SFTPA2: variants seen among roughly 807,000 people sequenced by gnomAD.
SFTPA2 encodes surfactant protein A2, also known as pulmonary surfactant-associated protein A2.
A neutral mutation model predicts 20.3 loss-of-function variants in SFTPA2; 21 were observed. The ratio of observed to expected loss-of-function variants is 1.03; its 90% CI spans 0.73 to 1.49. SFTPA2 has a LOEUF of 1.49. SFTPA2 is among the 40% of genes most tolerant of loss of function. The pLI is 0.00. For missense variants in SFTPA2, 302 were observed against 314.8 expected, an observed-to-expected ratio of 0.96 and a Z score of 0.31; for synonymous variants, 116 against 118.7, an observed-to-expected ratio of 0.98 and a Z score of 0.15.
chr10:79,558,198 G>A lies in SFTPA2; in HGVS notation c.293-69C>T, dbSNP rs191655766. ...GACTCCCACTTGCTGCCACGCAGGC[G>A]TTTTGCCATCTGCAATCCTGGAACT... On this transcript the variant is annotated intron_variant, in intron 4 of 5. Coordinates refer to ENST00000372325, the MANE Select transcript of SFTPA2 (RefSeq NM_001098668.4). The A allele has an allele frequency of 1.5e-3, 2,494 of 1,612,510 alleles. 3 individuals are homozygous for A. The highest frequency in any genetic ancestry group is 1.7e-3 in the Non-Finnish European group (2,042 of 1,179,050).
intron 1 of SFTPA2, 115 bp from the exon 2 acceptor site, chr10:79,560,113 T>C: frequency 2.5e-6 from 2 of 792,924 alleles, no homozygotes; most frequent in Non-Finnish European, 1.6e-6. Context: ...TTGGGGTCTG[T>C]TCTCCCACTC....
At chr10:79,560,139 T>TACCAGGGACTCA in intron 1 of SFTPA2, 141 bp from the exon 2 acceptor site, 2 of 511,166 alleles carry the variant, frequency 3.9e-6, no homozygotes, top group Non-Finnish European at 5.1e-6. Context: ...GCTTAGGCCC[T>TACCAGGGACTCA]GCTGAGTCCC....
chr10:79,559,046 C>A (rs373334850), intron 3 of SFTPA2, 41 bp from the exon 4 acceptor site: 26 of 1,614,026 alleles, frequency 1.6e-5, no homozygotes, highest in African/African-American at 5.3e-5. Flanking sequence ...ATCTGTCACC[C>A]ACAACTGGTT....
chr10:79,559,390 T>A lies in SFTPA2; in HGVS notation c.94A>T (p.Ile32Phe), dbSNP rs767373025. The A allele has an allele frequency of 2.0e-5, 32 of 1,613,624 alleles. 1 individual carries two copies. The highest frequency in any genetic ancestry group is 1.6e-5 in the Non-Finnish European group (19 of 1,179,822). Reference protein sequence around the residue: ...VKDVCVGSPGIPGTPGSHGLP... With the variant: ...VKDVCVGSPGFPGTPGSHGLP... The stretch of plus-strand genomic sequence containing the variant: ...CCGTGGGATCCAGGAGTGCCGGGGA[T>A]ACCAGGGCTTCCAACACAAACGTCC... The change falls in exon 3 of 6, where the codon ATC (isoleucine) becomes TTC (phenylalanine). Residue 32 changes from isoleucine to phenylalanine, a missense_variant. Ile to Phe is a conservative substitution (Grantham distance 21). Around this residue, in one of 3 missense-constraint regions of SFTPA2, gnomAD observed 7 missense variants for 23.4 expected, o/e 0.30. Coordinates refer to ENST00000372325, the MANE Select transcript of SFTPA2 (RefSeq NM_001098668.4).
intron 5 of SFTPA2, 148 bp from the exon 6 acceptor site, chr10:79,557,733 C>T: frequency 9.0e-7 from 1 of 1,108,366 alleles, no homozygotes; most frequent in Non-Finnish European, 1.3e-6. Context: ...TTGCAGTTTT[C>T]TAAATTCACT....
At position 79,557,590 on chromosome 10, in the gene SFTPA2, G is replaced by C. The variant is rs1858865538; in HGVS notation, c.371-5C>G. On this transcript the variant is annotated splice_region_variant and splice_polypyrimidine_tract_variant and intron_variant, in intron 5 of 5. Coordinates refer to ENST00000372325, the MANE Select transcript of SFTPA2 (RefSeq NM_001098668.4). ...TGGAGCCCTGCAGACTGAGGGCTGA[G>C]AGCAGAGGAGTCCAGGTCAGGCCAC... The C allele has an allele frequency of 2.5e-6, 4 of 1,596,414 alleles. No individual in the cohort carries two copies. Among genetic ancestry groups the C allele is most frequent in the Non-Finnish European group, 3.4e-6 (4 of 1,168,406 alleles).
Position 79,556,915 on chromosome 10 carries a change from AC to A in SFTPA2, c.*293del. 1.9e-6 allele frequency: 1 copy of A among 527,542 alleles called. No homozygotes were observed. The highest frequency in any genetic ancestry group is 3.4e-6 in the Non-Finnish European group (1 of 294,126). 32.7% of individuals were successfully genotyped at this position (527,542 alleles called of 1,614,324 possible). On this transcript the variant is annotated 3_prime_UTR_variant, in exon 6 of 6. Transcript: ENST00000372325. ...TGCCATCTGTAAGTGAAGGAACTGGACCAGATGGGGAATAAGGAGGCCTCCA... is the reference window on the plus strand; with the variant it reads ...TGCCATCTGTAAGTGAAGGAACTGGACAGATGGGGAATAAGGAGGCCTCCA...
At position 79,556,422 on chromosome 10, in the gene SFTPA2, G is replaced by T; in HGVS notation, c.*787C>A. The T allele has an allele frequency of 6.2e-6, 1 of 160,228 alleles. No individual in the cohort carries two copies. 9.9% of individuals were successfully genotyped at this position (160,228 alleles called of 1,614,324 possible). The stretch of plus-strand genomic sequence containing the variant: ...GAGCCGGTGGCATGGGGGGTGGTGT[G>T]AATGCCCACCGAGGTCTGAAGTGGG... On this transcript the variant is annotated 3_prime_UTR_variant, in exon 6 of 6. Coordinates refer to ENST00000372325, the MANE Select transcript of SFTPA2 (RefSeq NM_001098668.4).
intron 5 of SFTPA2, 39 bp downstream of exon 5, chr10:79,558,013 G>A (rs1177705856): frequency 1.2e-6 from 2 of 1,613,294 alleles, no homozygotes; most frequent in African/African-American, 1.3e-5. Context: ...GGAATTTGTG[G>A]GAAACTCCTA....
At chr10:79,558,611 CT>C (rs1303333630) in intron 4 of SFTPA2, among the ~76,000 whole-genome samples, 4 of 152,172 alleles carry the variant, frequency 2.6e-5, no homozygotes, top group African/African-American at 9.7e-5. Context: ...CCTCCCCTGC[CT>C]CCCAGTGCTG....
rs577375251 is a variant in SFTPA2 at position 79,559,494 on chromosome 10, C to T, written c.-11G>A. On this transcript the variant is annotated 5_prime_UTR_variant, in exon 3 of 6. Coordinates refer to ENST00000372325, the MANE Select transcript of SFTPA2 (RefSeq NM_001098668.4). Reference sequence around the variant, plus strand: ...AGGGCACAGCCACATGGCTCTGGGTCCAGTCGCTGCTCCTGCCGGAGGGAT... The same window carrying T: ...AGGGCACAGCCACATGGCTCTGGGTTCAGTCGCTGCTCCTGCCGGAGGGAT... 2.5e-6 allele frequency: 4 copies of T among 1,607,290 alleles called. No individual in the cohort carries two copies. Among genetic ancestry groups the T allele is most frequent in the African/African-American group, 1.3e-5 (1 of 74,838 alleles).
chr10:79,557,854 T>C (rs1286594058), intron 5 of SFTPA2, among the ~76,000 whole-genome samples, 198 bp downstream of exon 5: 1 of 152,240 alleles, frequency 6.6e-6, no homozygotes, highest in African/African-American at 2.4e-5. Flanking sequence ...GAACTTGCTT[T>C]CTTATGAAAT....
chr10:79,558,197 C>G, intron 4 of SFTPA2, 68 bp from the exon 5 acceptor site: 2 of 1,607,402 alleles, frequency 1.2e-6, no homozygotes, highest in East Asian at 2.2e-5. Flanking sequence ...GCCACGCAGG[C>G]GTTTTGCCAT....
At chr10:79,559,764 G>C in intron 2 of SFTPA2, 6 of 1,515,966 alleles carry the variant, frequency 4.0e-6, no homozygotes, top group Non-Finnish European at 5.3e-6. Flanking sequence ...GCTCTGGGGA[G>C]CCCAGGGACC....
intron 4 of SFTPA2, 122 bp from the exon 5 acceptor site, chr10:79,558,251 C>T: frequency 6.3e-7 from 1 of 1,593,272 alleles, no homozygotes. Flanking sequence ...TTAGGCACCA[C>T]CCAGACCCTA....
Position 79,558,919 on chromosome 10 carries a change from C to T in SFTPA2, c.259G>A (p.Glu87Lys). 3 of 1,614,144 alleles carry T rather than the reference C, an allele frequency of 1.9e-6. No individual in the cohort carries two copies. In the South Asian group the frequency reaches 3.3e-5, roughly 18 times the overall value. ...CCTCTCTCGCCAGCCTCCCCCTTCT[C>T]TCCACGCTCTCCAGGGACACCAGGG... ...GAPGVPGERG[E>K]KGEAGERGPP... Residue 87 changes from glutamate (E) to lysine (K), a missense_variant, in exon 4 of 6, where the codon GAG becomes AAG. Glu to Lys is a moderately conservative substitution (Grantham distance 56). Coordinates refer to ENST00000372325, the MANE Select transcript of SFTPA2 (RefSeq NM_001098668.4).
rs889406238 is a variant in SFTPA2 at position 79,556,329 on chromosome 10, T to A, written c.*880A>T. ...GGTACTGTGCCCACCCCAAGACACA[T>A]CCTAAGACCTGGCACATGTTAATTT... On this transcript the variant is annotated 3_prime_UTR_variant, in exon 6 of 6. Coordinates refer to ENST00000372325, the MANE Select transcript of SFTPA2 (RefSeq NM_001098668.4). 6.0e-6 allele frequency: 1 copy of A among 167,528 alleles called. No homozygotes were observed. Among genetic ancestry groups the A allele is most frequent in the Admixed American group, 6.5e-5 (1 of 15,306 alleles). 10.4% of individuals were successfully genotyped at this position (167,528 alleles called of 1,614,324 possible). A position where few individuals can be genotyped will look rare whatever the true frequency, so the allele number is the denominator to read the frequency against.
In SFTPA2 at chr10:79,559,674, C is replaced by G. The variant is rs1324563845; in HGVS notation, c.-23-168G>C. On this transcript the variant is annotated intron_variant, in intron 2 of 5. Transcript: ENST00000372325. ...GGAAAATTCCAAGCATCACCTGGCA[C>G]CTGGCATGGCCTCATGCTTCAGGCC... 2.6e-6 allele frequency: 4 copies of G among 1,551,888 alleles called. No homozygotes were observed. In the East Asian group the frequency reaches 9.8e-5, roughly 38 times the overall value.
chr10:79,558,244 G>C, intron 4 of SFTPA2, 115 bp from the exon 5 acceptor site: 1 of 1,601,618 alleles, frequency 6.2e-7, no homozygotes. Flanking sequence ...ATTGCTGTTA[G>C]GCACCACCCA....
Sources: allele counts gnomAD v4.1 joint callset (sites outside exome capture counted in the v4.1 genomes callset), GRCh38; gene constraint gnomAD v4.1.1; regional missense constraint gnomAD v4.1.1; transcripts MANE v1.5; gene names NCBI Gene and HGNC (gene_info 2026-07-23, HGNC 2026-07-21).